The following SLC35F1 variants were observed in gnomAD, a reference collection of about 807,000 sequenced individuals.
The protein encoded by SLC35F1 is chromosome 6 open reading frame 169.
SLC35F1 carries 14 observed loss-of-function variants against 48.7 expected under a neutral mutation model. That is an observed-to-expected ratio of 0.29 (90% CI 0.19 to 0.45). SLC35F1 has a LOEUF of 0.45. Among genes scored for constraint, SLC35F1 ranks in the 20% least tolerant of loss-of-function variants. The pLI, the probability that SLC35F1 is intolerant of heterozygous loss-of-function variation, is 1.00. For missense variants in SLC35F1, 404 were observed against 500.0 expected (o/e 0.81, Z 1.83); for synonymous variants, 190 against 202.2 (o/e 0.94, Z 0.51).
intron 1 of SLC35F1, among the ~76,000 whole-genome samples, chr6:118,110,324 G>A (rs2501514): frequency 0.98 from 149,427 of 152,294 alleles, 73,387 homozygotes; most frequent in Middle Eastern, 1. Context: ...CAAAGCCTAC[G>A]GGGAGCAGAG....
chr6:117,924,032 CAT>C (rs1348552874), intron 1 of SLC35F1, among the ~76,000 whole-genome samples: 1 of 149,222 alleles, frequency 6.7e-6, no homozygotes, highest in Non-Finnish European at 1.5e-5. Flanking sequence ...CCTATACACA[CAT>C]AGGTACACAT....
At chr6:118,090,026 A>G (rs1773050150) in intron 1 of SLC35F1, among the ~76,000 whole-genome samples, 1 of 152,236 alleles carries the variant, frequency 6.6e-6, no homozygotes, top group Non-Finnish European at 1.5e-5. Flanking sequence ...CATGCCTTTG[A>G]GCAATATAAA....
At chr6:117,923,662 T>TATATAC (rs1775948000) in intron 1 of SLC35F1, among the ~76,000 whole-genome samples, 1 of 63,416 alleles carries the variant, frequency 1.6e-5, no homozygotes, top group African/African-American at 8.0e-5. Flanking sequence ...TACATATGTA[T>TATATAC]ATATACATAT....
intron 5 of SLC35F1, among the ~76,000 whole-genome samples, chr6:118,276,498 A>G (rs896245561): frequency 6.6e-6 from 1 of 152,020 alleles, no homozygotes; most frequent in Admixed American, 6.5e-5. Context: ...TGTTTTCAAC[A>G]ATCCACCAAA....
intron 1 of SLC35F1, among the ~76,000 whole-genome samples, chr6:118,004,529 T>C (rs980239824): frequency 6.6e-6 from 1 of 152,208 alleles, no homozygotes; most frequent in Non-Finnish European, 1.5e-5. Context: ...AAACTCAGTT[T>C]AAAATTTATT....
intron 1 of SLC35F1, among the ~76,000 whole-genome samples, chr6:118,120,208 G>C (rs1286054451): frequency 6.6e-6 from 1 of 152,100 alleles, no homozygotes; most frequent in Non-Finnish European, 1.5e-5. Flanking sequence ...AACAAGCAAT[G>C]ATACTACAAA....
chr6:118,004,928 A>C (rs369378457), intron 1 of SLC35F1, among the ~76,000 whole-genome samples: 1 of 152,060 alleles, frequency 6.6e-6, no homozygotes, highest in African/African-American at 2.4e-5. Context: ...AAATAAGGGA[A>C]TATACAGTCT....
intron 2 of SLC35F1, among the ~76,000 whole-genome samples, chr6:118,220,758 G>C (rs1319622121): frequency 6.6e-6 from 1 of 152,176 alleles, no homozygotes; most frequent in East Asian, 1.9e-4. Flanking sequence ...GCAGAAATCT[G>C]ATGTAGTCAA....
At position 117,987,525 on chromosome 6, in the gene SLC35F1, G is replaced by A. The variant is rs557262485; in HGVS notation, c.173+79626G>A. On this transcript the variant is annotated intron_variant, in intron 1 of 7. Transcript: ENST00000360388. ...TTTCCCTCTTCCTCCAGGACACCCA[G>A]CCCAAACTCTGCACAGACTTAGGGT... is the stretch of plus-strand genomic sequence containing the variant. Among the ~76,000 whole-genome samples, 4 of 151,592 alleles carry A rather than the reference G, an allele frequency of 2.6e-5. No individual in the cohort carries two copies. The East Asian group carries it at 7.8e-4, about 30-fold the overall frequency.
intron 7 of SLC35F1, among the ~76,000 whole-genome samples, chr6:118,297,639 A>AAT (rs1776204532): frequency 8.3e-6 from 1 of 120,884 alleles, no homozygotes; most frequent in Non-Finnish European, 1.7e-5. Context: ...TATATATATA[A>AAT]AAAATATATA....
At chr6:118,260,811 G>T (rs181957158) in intron 3 of SLC35F1, among the ~76,000 whole-genome samples, 4 of 151,932 alleles carry the variant, frequency 2.6e-5, no homozygotes, top group African/African-American at 9.7e-5. Flanking sequence ...CTACCATTCC[G>T]CTAATTTCAT....
At chr6:118,113,820 C>A (rs977040620) in intron 1 of SLC35F1, among the ~76,000 whole-genome samples, 4 of 152,168 alleles carry the variant, frequency 2.6e-5, no homozygotes, top group Admixed American at 2.0e-4. Context: ...AATTAGTTGT[C>A]CAGTATGGTT....
intron 1 of SLC35F1, among the ~76,000 whole-genome samples, chr6:118,093,723 C>T (rs1363185416): frequency 1.2e-4 from 19 of 152,126 alleles, no homozygotes; most frequent in Admixed American, 1.1e-3. Flanking sequence ...TAAGAATGGA[C>T]TAAAATACAC....
chr6:118,254,470 T>TG (rs750618654), intron 3 of SLC35F1, among the ~76,000 whole-genome samples: 1 of 152,080 alleles, frequency 6.6e-6, no homozygotes, highest in Non-Finnish European at 1.5e-5. Context: ...TTTGTAAAGA[T>TG]GGGGTCTCAC....
intron 1 of SLC35F1, among the ~76,000 whole-genome samples, chr6:117,958,122 G>A (rs1214856789): frequency 2.0e-5 from 3 of 152,056 alleles, no homozygotes; most frequent in East Asian, 3.9e-4. Context: ...TTGTGTATTA[G>A]TTTTTAACAA....
chr6:118,280,256 CATAAGTCTA>C (rs1328898554), intron 6 of SLC35F1, among the ~76,000 whole-genome samples: 13 of 152,270 alleles, frequency 8.5e-5, no homozygotes, highest in Middle Eastern at 3.4e-3. Flanking sequence ...GAGTCACATT[CATAAGTCTA>C]ATAAACAACT....
intron 1 of SLC35F1, among the ~76,000 whole-genome samples, chr6:118,043,015 A>T (rs1414688840): frequency 6.6e-6 from 1 of 152,198 alleles, no homozygotes; most frequent in Non-Finnish European, 1.5e-5. Flanking sequence ...TTGCATTTAC[A>T]GCCCAATGGG....
intron 2 of SLC35F1, among the ~76,000 whole-genome samples, chr6:118,174,642 A>AAT (rs745524489): frequency 1.3e-5 from 2 of 152,160 alleles, no homozygotes; most frequent in Non-Finnish European, 2.9e-5. Flanking sequence ...ATTTGAAGGG[A>AAT]TAATAGCTGA....
intron 5 of SLC35F1, 76 bp downstream of exon 5, chr6:118,275,691 T>G: frequency 6.9e-7 from 1 of 1,459,076 alleles, no homozygotes; most frequent in East Asian, 2.4e-5. Context: ...GTTCTTGGGA[T>G]GTAAAAATCA....
Sources: allele counts gnomAD v4.1 joint callset (sites outside exome capture counted in the v4.1 genomes callset), GRCh38; gene constraint gnomAD v4.1.1; transcripts MANE v1.5; gene names NCBI Gene and HGNC (gene_info 2026-07-23, HGNC 2026-07-21).